Variants in SUPV3L1 observed in about 807,000 individuals in gnomAD.
The protein encoded by SUPV3L1 is Suv3 like RNA helicase.
In SUPV3L1, 35 loss-of-function variants were observed where a neutral mutation model predicts 70.0. That is an observed-to-expected ratio of 0.50 (90% CI 0.38 to 0.66). The LOEUF (loss-of-function observed/expected upper bound fraction) is 0.66. Ranked by LOEUF, SUPV3L1 falls within the 30% of genes least tolerant of loss-of-function variation. The probability of loss-of-function intolerance (pLI) is 0.00; values close to 1 mark genes in which losing one functional copy is unlikely to be tolerated. For missense variants in SUPV3L1, 777 were observed against 961.5 expected (o/e 0.81, Z 2.54); for synonymous variants, 364 against 341.9 (o/e 1.06, Z -0.71).
At chr10:69,197,195 A>G in intron 8 of SUPV3L1, 112 bp downstream of exon 8, 1 of 825,604 alleles carries the variant, frequency 1.2e-6, no homozygotes, top group Non-Finnish European at 2.0e-6. Context: ...AACTAAAAAG[A>G]AAGCTTCATT....
rs766447332 is a variant in SUPV3L1, at chr10:69,191,695, C to T, written c.782C>T (p.Thr261Ile). The T allele has an allele frequency of 1.9e-6, 3 of 1,613,938 alleles. No individual in the cohort carries two copies. Among genetic ancestry groups the T allele is most frequent in the Non-Finnish European group, 2.5e-6 (3 of 1,180,020 alleles). The change falls in exon 6 of 15, where the codon ACA becomes ATA. Residue 261 changes from threonine (T) to isoleucine (I), a missense_variant. By Grantham distance (89) the Thr-to-Ile change is moderately conservative. Coordinates refer to ENST00000359655, the MANE Select transcript of SUPV3L1 (RefSeq NM_003171.5). ...CDLVTGEERV[T>I]VQPNGKQASH... is the part of the protein sequence containing the mutation. Reference sequence around the variant, plus strand: ...TTGGTGACAGGTGAAGAGCGTGTGACAGTTCAGCCAAATGGGAAACAGGCT... The same window carrying T: ...TTGGTGACAGGTGAAGAGCGTGTGATAGTTCAGCCAAATGGGAAACAGGCT...
intron 12 of SUPV3L1, 77 bp from the exon 13 acceptor site, chr10:69,202,790 T>A (rs886938425): frequency 7.8e-6 from 11 of 1,412,984 alleles, no homozygotes; most frequent in Non-Finnish European, 7.7e-6. Context: ...TTGTCTTTTA[T>A]AGACTTGAGT....
chr10:69,191,168 A>G (rs1842381793), intron 5 of SUPV3L1, among the ~76,000 whole-genome samples: 1 of 152,024 alleles, frequency 6.6e-6, no homozygotes, highest in Admixed American at 6.6e-5. Flanking sequence ...GGTTTACCCA[A>G]GTTGTGTAAG....
intron 3 of SUPV3L1, among the ~76,000 whole-genome samples, chr10:69,187,006 A>G (rs1257452789): frequency 6.6e-6 from 1 of 152,214 alleles, no homozygotes; most frequent in Admixed American, 6.5e-5. Flanking sequence ...TACAACGCAG[A>G]ATGGGACATG....
At chr10:69,186,258 C>A (rs1013293789) in intron 2 of SUPV3L1, among the ~76,000 whole-genome samples, 185 bp from the exon 3 acceptor site, 1 of 144,482 alleles carries the variant, frequency 6.9e-6, no homozygotes, top group Non-Finnish European at 1.5e-5. Flanking sequence ...GCTGCAGCTG[C>A]GGCCTTCCTT....
intron 1 of SUPV3L1, among the ~76,000 whole-genome samples, chr10:69,182,864 A>T (rs368238617): frequency 6.6e-6 from 1 of 152,186 alleles, no homozygotes; most frequent in East Asian, 1.9e-4. Context: ...TAACCCAAAA[A>T]GTTGAGGTAC....
chr10:69,189,948 A>G (rs187574878), intron 5 of SUPV3L1, among the ~76,000 whole-genome samples: 88 of 152,302 alleles, frequency 5.8e-4, no homozygotes, highest in African/African-American at 1.9e-3. Context: ...ACCCAGCTCT[A>G]TCAATTCTTA....
At chr10:69,207,726 C>CT in intron 13 of SUPV3L1, 67 bp from the exon 14 acceptor site, 3 of 1,504,568 alleles carry the variant, frequency 2.0e-6, no homozygotes, top group Non-Finnish European at 2.7e-6. Context: ...TTTTTTTTCT[C>CT]TTTCTAATTA....
intron 7 of SUPV3L1, among the ~76,000 whole-genome samples, chr10:69,196,219 C>T (rs1024114361): frequency 3.9e-5 from 6 of 151,916 alleles, no homozygotes; most frequent in Non-Finnish European, 2.9e-5. Flanking sequence ...TGGCTGGGTG[C>T]GGTGGCTCAC....
intron 13 of SUPV3L1, among the ~76,000 whole-genome samples, chr10:69,203,435 G>A (rs1478107684): frequency 2.0e-5 from 3 of 151,990 alleles, no homozygotes; most frequent in Non-Finnish European, 4.4e-5. Flanking sequence ...AGGCCGAGGC[G>A]GGTGGATCAC....
chr10:69,194,196 G>A (rs1193446542), intron 6 of SUPV3L1, among the ~76,000 whole-genome samples: 2 of 152,102 alleles, frequency 1.3e-5, no homozygotes, highest in African/African-American at 4.8e-5. Flanking sequence ...GAGGCAGTGT[G>A]GTAGAGTATG....
chr10:69,185,798 C>G (rs1315729756), intron 1 of SUPV3L1, among the ~76,000 whole-genome samples, 189 bp from the exon 2 acceptor site: 3 of 152,138 alleles, frequency 2.0e-5, no homozygotes, highest in Non-Finnish European at 4.4e-5. Context: ...CCGTGCCCGG[C>G]CAACTCGATC....
In SUPV3L1 at chr10:69,202,912, T is replaced by G; in HGVS notation, c.1645T>G (p.Cys549Gly). 6.2e-7 allele frequency: 1 copy of G among 1,613,870 alleles called. No individual in the cohort carries two copies. The highest frequency in any genetic ancestry group is 8.5e-7 in the Non-Finnish European group (1 of 1,179,956). Residue 549 changes from cysteine to glycine, a missense_variant, in exon 13 of 15, where the codon TGC becomes GGC. This residue lies in a region of SUPV3L1 where 619 missense variants were observed against 823.3 expected (regional missense o/e 0.75). Transcript: ENST00000359655. ...FSQVDGQYFV[C>G]NMDDFKFSAE... is the part of the protein sequence containing the mutation. ...ACAAGTTGATGGGCAGTATTTTGTC[T>G]GCAATATGGATGATTTTAAATTTTC...
In SUPV3L1 at chr10:69,186,440, C is replaced by T; in HGVS notation, c.350-3C>T. On this transcript the variant is annotated splice_polypyrimidine_tract_variant and splice_region_variant and intron_variant, in intron 2 of 14. Transcript: ENST00000359655. The stretch of plus-strand genomic sequence containing the variant: ...TACATCTTTTCATTTTGTGTTTCTA[C>T]AGCTCGTCTCTTCCACCAAGCTTTC... The T allele has an allele frequency of 4.4e-6, 7 of 1,607,452 alleles. No homozygotes were observed. Among genetic ancestry groups the T allele is most frequent in the Admixed American group, 1.7e-5 (1 of 59,876 alleles).
intron 8 of SUPV3L1, 66 bp downstream of exon 8, chr10:69,197,149 C>T: frequency 7.5e-7 from 1 of 1,333,988 alleles, no homozygotes; most frequent in Non-Finnish European, 1.1e-6. Context: ...TAGGCAGTGG[C>T]TTCAGAGGCC....
chr10:69,205,094 TACTC>T (rs2132307014), intron 13 of SUPV3L1, among the ~76,000 whole-genome samples: 1 of 152,306 alleles, frequency 6.6e-6, no homozygotes, highest in African/African-American at 2.4e-5. Context: ...CTTAATGAAT[TACTC>T]ACAACTTGCC....
intron 4 of SUPV3L1, among the ~76,000 whole-genome samples, chr10:69,188,262 T>A (rs1270891584): frequency 6.6e-6 from 1 of 152,178 alleles, no homozygotes; most frequent in Non-Finnish European, 1.5e-5. Context: ...TGCACCCTTC[T>A]CTTCCACAGT....
chr10:69,187,609 T>C (rs756334411), intron 3 of SUPV3L1, 33 bp from the exon 4 acceptor site: 4 of 1,430,202 alleles, frequency 2.8e-6, no homozygotes, highest in South Asian at 2.5e-5. Context: ...TTTATGTAGA[T>C]TGCACATGTT....
At chr10:69,207,025 G>T (rs537332173) in intron 13 of SUPV3L1, among the ~76,000 whole-genome samples, 1 of 152,218 alleles carries the variant, frequency 6.6e-6, no homozygotes, top group Non-Finnish European at 1.5e-5. Context: ...AAAAAATAAG[G>T]GAGGACATTA....
Sources: allele counts gnomAD v4.1 joint callset (sites outside exome capture counted in the v4.1 genomes callset), GRCh38; gene constraint gnomAD v4.1.1; regional missense constraint gnomAD v4.1.1; transcripts MANE v1.5; gene names NCBI Gene and HGNC (gene_info 2026-07-23, HGNC 2026-07-21).